The following ANKRD30B variants were observed in gnomAD, a reference collection of about 807,000 sequenced individuals.
The protein encoded by ANKRD30B is ankyrin repeat domain-containing protein 30B.
In ANKRD30B, 144 loss-of-function variants were observed where a neutral mutation model predicts 202.2. That is an observed-to-expected ratio of 0.71 (90% CI 0.62 to 0.82). The LOEUF is 0.82. ANKRD30B is among the 40% of genes least tolerant of loss of function. The pLI is 0.00. For missense variants in ANKRD30B, 1,487 were observed against 1,669.1 expected (o/e 0.89, Z 1.90); for synonymous variants, 508 against 561.3 (o/e 0.91, Z 1.34).
intron 36 of ANKRD30B, among the ~76,000 whole-genome samples, chr18:14,838,448 G>A (rs1971272597): frequency 6.6e-6 from 1 of 152,204 alleles, no homozygotes; most frequent in African/African-American, 2.4e-5. Context: ...GGATAAACAT[G>A]AGAAATAGGA....
Position 14,850,152 on chromosome 18 carries a change from A to T in ANKRD30B, c.3396-62A>T, listed in dbSNP as rs897787244. 2.1e-5 allele frequency: 23 copies of T among 1,113,722 alleles called. No homozygotes were observed. In the African/African-American group the frequency reaches 3.6e-4, roughly 17 times the overall value. The allele number at this position is 1,113,722 out of a possible 1,614,324, so 69.0% of individuals were successfully genotyped here. On this transcript the variant is annotated intron_variant, in intron 40 of 43. Coordinates refer to ENST00000690538, the MANE Select transcript of ANKRD30B (RefSeq NM_001367607.2). ...AATAAACCAGTATAGGAAGAAGTAG[A>T]TCTCAAAGTGAATTCTATTTTCTAA...
chr18:14,757,306 A>C (rs1319004490), intron 4 of ANKRD30B, among the ~76,000 whole-genome samples: 2 of 152,204 alleles, frequency 1.3e-5, no homozygotes, highest in African/African-American at 2.4e-5. Context: ...AAGGAGAATA[A>C]TGATATGTGC....
At chr18:14,898,067 C>G in the ANKRD30B span, among the ~76,000 whole-genome samples, 2 of 152,088 alleles carry the variant, frequency 1.3e-5, no homozygotes, top group African/African-American at 4.8e-5. Flanking sequence ...ATTAATCAAG[C>G]TGATCAGTTT....
the ANKRD30B span, among the ~76,000 whole-genome samples, chr18:14,860,134 G>A: frequency 6.7e-6 from 1 of 149,612 alleles, no homozygotes; most frequent in East Asian, 2.0e-4. Flanking sequence ...CTGGGCAGAG[G>A]CGCTCCTCAC....
the ANKRD30B span, among the ~76,000 whole-genome samples, chr18:14,940,952 G>T: frequency 4.6e-5 from 7 of 152,212 alleles, no homozygotes; most frequent in African/African-American, 1.4e-4. Context: ...TTATGTAAAT[G>T]AAACTCAAAT....
At chr18:14,792,744 A>G (rs982601834) in intron 16 of ANKRD30B, among the ~76,000 whole-genome samples, 1 of 151,436 alleles carries the variant, frequency 6.6e-6, no homozygotes. Context: ...ATATATATAT[A>G]TATATGTATA....
At chr18:14,883,323 CT>C in the ANKRD30B span, among the ~76,000 whole-genome samples, 1 of 147,740 alleles carries the variant, frequency 6.8e-6, no homozygotes, top group Non-Finnish European at 1.5e-5. Context: ...CTAGGTGTCT[CT>C]CTCTCTCTCT....
chr18:14,800,033 C>T lies in ANKRD30B; in HGVS notation c.2131+738C>T, dbSNP rs537885551. 2.8e-4 allele frequency among the ~76,000 whole-genome samples: 43 copies of T among 151,820 alleles called. 1 individual carries two copies. Among genetic ancestry groups the T allele is most frequent in the Non-Finnish European group, 4.0e-4 (27 of 67,946 alleles). ...ATTACTTAAGGTCAGGAGTCGCAGA[C>T]GAGCCTGGTCAACACAGTGAAACCC... is the stretch of plus-strand genomic sequence containing the variant. On this transcript the variant is annotated intron_variant, in intron 22 of 43. Coordinates refer to ENST00000690538, the MANE Select transcript of ANKRD30B (RefSeq NM_001367607.2).
At chr18:14,861,985 C>G in the ANKRD30B span, among the ~76,000 whole-genome samples, 1 of 152,208 alleles carries the variant, frequency 6.6e-6, no homozygotes. Flanking sequence ...CAAGAACTCT[C>G]AGAACCACAG....
chr18:14,898,490 C>T, the ANKRD30B span, among the ~76,000 whole-genome samples: 4 of 152,282 alleles, frequency 2.6e-5, no homozygotes, highest in East Asian at 5.8e-4. Context: ...TCCTGCTCTG[C>T]GGCCTAGTTC....
chr18:14,786,309 G>T lies in ANKRD30B; in HGVS notation c.1673-730G>T, dbSNP rs544487631. ...GCCTTGATTTTATCCTATACAACATGTGGGAACGTTAGATTACTTAAGGCA... is the reference window on the plus strand; with the variant it reads ...GCCTTGATTTTATCCTATACAACATTTGGGAACGTTAGATTACTTAAGGCA... On this transcript the variant is annotated intron_variant, in intron 14 of 43. Transcript: ENST00000690538. Among the ~76,000 whole-genome samples the T allele has an allele frequency of 2.6e-5, 4 of 152,260 alleles. No individual in the cohort carries two copies. The South Asian group carries it at 8.3e-4, about 32-fold the overall frequency.
rs541102384 is a variant in ANKRD30B, at chr18:14,756,641, C to T, written c.618-1174C>T. On this transcript the variant is annotated intron_variant, in intron 4 of 43. Coordinates refer to ENST00000690538, the MANE Select transcript of ANKRD30B (RefSeq NM_001367607.2). ...GGGCATGGTAGTTGTTGCCTGTTATCCCAGCAGTTTGGGAGGCCAAGGTGG... is the reference window on the plus strand; with the variant it reads ...GGGCATGGTAGTTGTTGCCTGTTATTCCAGCAGTTTGGGAGGCCAAGGTGG... Among the ~76,000 whole-genome samples, 17 of 152,298 alleles carry T rather than the reference C, an allele frequency of 1.1e-4. No homozygotes were observed. The South Asian group carries it at 3.1e-3, about 28-fold the overall frequency.
intron 18 of ANKRD30B, among the ~76,000 whole-genome samples, chr18:14,796,971 A>C (rs1263740939): frequency 6.6e-6 from 1 of 152,216 alleles, no homozygotes; most frequent in East Asian, 1.9e-4. Flanking sequence ...AATTTCTAAC[A>C]AAGCCTTAAA....
chr18:14,903,314 A>G, the ANKRD30B span, among the ~76,000 whole-genome samples: 6 of 152,348 alleles, frequency 3.9e-5, no homozygotes, highest in South Asian at 1.2e-3. Context: ...TGATTGTCCC[A>G]TATTCCAATG....
chr18:14,752,889 T>C lies in ANKRD30B; in HGVS notation c.387T>C (p.Gly129=), dbSNP rs1391079426. ...GTGCAAATATTCTCATAGATGCTGG[T>C]GCTGATCTAAATTATGTAGATGTGT... is the stretch of plus-strand genomic sequence containing the variant. ...EACANILIDA[G]ADLNYVDVYG... is the part of the protein sequence containing the mutation. Residue 129 remains glycine (G), a synonymous_variant, in exon 3 of 44, where the codon GGT becomes GGC. Coordinates refer to ENST00000690538, the MANE Select transcript of ANKRD30B (RefSeq NM_001367607.2). 1 of 1,608,442 alleles carries C rather than the reference T, an allele frequency of 6.2e-7. No individual in the cohort carries two copies. Among genetic ancestry groups the C allele is most frequent in the Middle Eastern group, 1.6e-4 (1 of 6,062 alleles).
intron 12 of ANKRD30B, 51 bp from the exon 13 acceptor site, chr18:14,784,285 G>T (rs1967936452): frequency 6.4e-7 from 1 of 1,558,042 alleles, no homozygotes; most frequent in East Asian, 2.3e-5. Flanking sequence ...TCACTCGGTT[G>T]GCTTTGTCAT....
chr18:14,915,068 G>C, the ANKRD30B span, among the ~76,000 whole-genome samples: 2 of 152,264 alleles, frequency 1.3e-5, no homozygotes, highest in East Asian at 3.9e-4. Flanking sequence ...TAGCAGCAGT[G>C]ATCATCCCAT....
chr18:14,790,524 G>A (rs1437557149), intron 15 of ANKRD30B, among the ~76,000 whole-genome samples: 1 of 152,116 alleles, frequency 6.6e-6, no homozygotes, highest in Non-Finnish European at 1.5e-5. Flanking sequence ...TTGGCTGTGG[G>A]TTTGTCATAG....
intron 1 of ANKRD30B, among the ~76,000 whole-genome samples, chr18:14,749,770 C>T (rs530893401): frequency 4.9e-5 from 7 of 144,228 alleles, no homozygotes; most frequent in Non-Finnish European, 1.1e-4. Flanking sequence ...AATCCAGAAA[C>T]ACCCAAACAT....
Sources: allele counts gnomAD v4.1 joint callset (sites outside exome capture counted in the v4.1 genomes callset), GRCh38; gene constraint gnomAD v4.1.1; transcripts MANE v1.5; gene names NCBI Gene and HGNC (gene_info 2026-07-23, HGNC 2026-07-21).